PIK3R5: variants seen among roughly 807,000 people sequenced by gnomAD.
PIK3R5 encodes phosphoinositide 3-kinase regulatory subunit 5.
Under a neutral mutation model 94.9 loss-of-function variants are expected in PIK3R5, and 32 were observed. The observed-to-expected ratio is 0.34, with a 90% confidence interval of 0.25 to 0.45. The LOEUF (loss-of-function observed/expected upper bound fraction) is 0.45. Among genes scored for constraint, PIK3R5 ranks in the 20% least tolerant of loss-of-function variants. PIK3R5 has a pLI of 1.00. For missense variants in PIK3R5, 853 were observed against 1,144.6 expected (o/e 0.75, Z 3.68); for synonymous variants, 443 against 479.4 (o/e 0.92, Z 0.99).
In PIK3R5 at chr17:8,911,606, GC is replaced by G; in HGVS notation, c.-13-100del. Reference sequence around the variant, plus strand: ...AGGTGCTCACAGTGCAGCGCGATCAGCCCAGCCCAGCTATAGCTCAGGTGCT... The same window carrying G: ...AGGTGCTCACAGTGCAGCGCGATCAGCCAGCCCAGCTATAGCTCAGGTGCT... On this transcript the variant is annotated intron_variant, in intron 1 of 18. Transcript: ENST00000447110. The surrounding 1 kb of genome is among the most constrained non-coding windows in gnomAD (Gnocchi z 5.3). The G allele has an allele frequency of 1.4e-6, 1 of 727,184 alleles. No homozygotes were observed. Among genetic ancestry groups the G allele is most frequent in the Non-Finnish European group, 2.3e-6 (1 of 437,084 alleles). 45.0% of individuals were successfully genotyped at this position (727,184 alleles called of 1,614,324 possible). A position where few individuals can be genotyped will look rare whatever the true frequency, so the allele number is the denominator to read the frequency against.
At position 8,888,968 on chromosome 17, in the gene PIK3R5, C is replaced by T; in HGVS notation, c.896-77G>A. 6.5e-7 allele frequency: 1 copy of T among 1,540,080 alleles called. No homozygotes were observed. Among genetic ancestry groups the T allele is most frequent in the East Asian group, 2.3e-5 (1 of 44,366 alleles). On this transcript the variant is annotated intron_variant, in intron 9 of 18. Transcript: ENST00000447110. The surrounding 1 kb of genome is among the most constrained non-coding windows in gnomAD (Gnocchi z 7.8). ...TTCTATATTCCCTTTGGAGGGGAGA[C>T]AGCAGGACTCAGGGCCAGCCCAGGA...
intron 1 of PIK3R5, among the ~76,000 whole-genome samples, chr17:8,942,452 C>T (rs1213484878): frequency 6.6e-6 from 1 of 152,162 alleles, no homozygotes; most frequent in African/African-American, 2.4e-5. Flanking sequence ...CCACAACCCC[C>T]CATCTGCAGG....
chr17:8,887,287 C>T (rs1439811234), intron 11 of PIK3R5, 66 bp from the exon 12 acceptor site: 3 of 1,586,530 alleles, frequency 1.9e-6, no homozygotes, highest in Non-Finnish European at 2.6e-6. Flanking sequence ...AGCTCCAGGG[C>T]CTTGGATGGC....
rs2090843717 is a variant in PIK3R5, at chr17:8,925,005, T to C, written c.-13-13498A>G. ...CTCACCAAATATACCAGATAGATAG[T>C]TAGATAGTAGATGGATAGATAGATA... is the stretch of plus-strand genomic sequence containing the variant. On this transcript the variant is annotated intron_variant, in intron 1 of 18. Transcript: ENST00000447110. The surrounding 1 kb of genome is among the most constrained non-coding windows in gnomAD (Gnocchi z 5.1). Among the ~76,000 whole-genome samples, 1 of 151,844 alleles carries C rather than the reference T, an allele frequency of 6.6e-6. No homozygotes were observed. Among genetic ancestry groups the C allele is most frequent in the Non-Finnish European group, 1.5e-5 (1 of 67,990 alleles).
intron 3 of PIK3R5, 141 bp from the exon 4 acceptor site, chr17:8,905,878 A>G (rs2090386010): frequency 2.2e-6 from 1 of 447,320 alleles, no homozygotes; most frequent in Non-Finnish European, 4.0e-6. Context: ...CATGACAAAC[A>G]TTTGGAAAAT....
In PIK3R5 at chr17:8,888,042, AAT is replaced by A. The variant is rs1491254957; in HGVS notation, c.1616+127_1616+128del. 5 of 272,942 alleles carry A rather than the reference AAT, an allele frequency of 1.8e-5. No homozygotes were observed. The highest frequency in any genetic ancestry group is 2.6e-5 in the Non-Finnish European group (4 of 151,404). 16.9% of individuals were successfully genotyped at this position (272,942 alleles called of 1,614,324 possible). A position where few individuals can be genotyped will look rare whatever the true frequency, so the allele number is the denominator to read the frequency against. On this transcript the variant is annotated intron_variant, in intron 10 of 18. Transcript: ENST00000447110. This position sits in a 1 kb window ranked among gnomAD's most constrained non-coding sequence, Gnocchi z 7.8. ...TAATAATAATAATAATAATAATAAT[AAT>A]AATAAAATAAAAATAAATAAGGGAA...
intron 5 of PIK3R5, among the ~76,000 whole-genome samples, chr17:8,898,939 C>A (rs1395960011): frequency 2.6e-5 from 4 of 152,200 alleles, no homozygotes; most frequent in Non-Finnish European, 5.9e-5. Context: ...TTTCCTTCTT[C>A]CCCTACAGGC....
At chr17:8,950,605 T>C (rs1215379404) in intron 1 of PIK3R5, among the ~76,000 whole-genome samples, 3 of 152,216 alleles carry the variant, frequency 2.0e-5, no homozygotes, top group South Asian at 4.1e-4. Context: ...GCTCCATCCA[T>C]GTTGCTGCAA....
chr17:8,900,501 G>A (rs974251907), intron 5 of PIK3R5, among the ~76,000 whole-genome samples: 41 of 152,234 alleles, frequency 2.7e-4, no homozygotes, highest in African/African-American at 9.9e-4. Flanking sequence ...TTCCTGCCAT[G>A]GGTACTTGGC....
At position 8,935,052 on chromosome 17, in the gene PIK3R5, T is replaced by C. The variant is rs2091048809; in HGVS notation, c.-13-23545A>G. On this transcript the variant is annotated intron_variant, in intron 1 of 18. Coordinates refer to ENST00000447110, the MANE Select transcript of PIK3R5 (RefSeq NM_001142633.3). This position sits in a 1 kb window ranked among gnomAD's most constrained non-coding sequence, Gnocchi z 4.5. ...TGATGTGGATCTTAATATGCATTCT[T>C]CTGTCTTCCATTTCCAGGTCACTTC... 6.6e-6 allele frequency among the ~76,000 whole-genome samples: 1 copy of C among 152,198 alleles called. No individual in the cohort carries two copies. Among genetic ancestry groups the C allele is most frequent in the Non-Finnish European group, 1.5e-5 (1 of 68,022 alleles).
chr17:8,943,239 T>C (rs1366326832), intron 1 of PIK3R5, among the ~76,000 whole-genome samples: 1 of 152,042 alleles, frequency 6.6e-6, no homozygotes, highest in African/African-American at 2.4e-5. Context: ...AAAGCCTGGC[T>C]AATTTTTAAT....
intron 4 of PIK3R5, 139 bp downstream of exon 4, chr17:8,905,530 G>A (rs2090375208): frequency 1.8e-6 from 1 of 563,362 alleles, no homozygotes; most frequent in Non-Finnish European, 3.1e-6. Flanking sequence ...CCATCTAAGG[G>A]TTGAAACCCA....
chr17:8,946,929 C>T (rs566796423), intron 1 of PIK3R5, among the ~76,000 whole-genome samples: 2 of 152,266 alleles, frequency 1.3e-5, no homozygotes, highest in South Asian at 2.1e-4. Flanking sequence ...CATGGACATA[C>T]GATACATTTT....
In PIK3R5 at chr17:8,882,143, G is replaced by A. The variant is rs540256320; in HGVS notation, c.2206-262C>T. 8.9e-5 allele frequency: 44 copies of A among 493,136 alleles called. No homozygotes were observed. In the Admixed American group the frequency reaches 1.1e-3, roughly 12 times the overall value. The allele number at this position is 493,136 out of a possible 1,614,324, so 30.5% of individuals were successfully genotyped here. A position where few individuals can be genotyped will look rare whatever the true frequency, so the allele number is the denominator to read the frequency against. The stretch of plus-strand genomic sequence containing the variant: ...ACAAGAGCTGAGAGCACCTGCAGGG[G>A]TGGTCCTGAAGCTCTCCTGCCGGGC... On this transcript the variant is annotated intron_variant, in intron 15 of 18. Transcript: ENST00000447110. The surrounding 1 kb of genome is among the most constrained non-coding windows in gnomAD (Gnocchi z 4.1).
intron 12 of PIK3R5, 94 bp from the exon 13 acceptor site, chr17:8,886,699 A>G (rs2089867470): frequency 1.4e-6 from 2 of 1,383,084 alleles, no homozygotes. Context: ...GAAGAGAGAC[A>G]TAGAGGCAGC....
At chr17:8,894,447 G>A (rs192956208) in intron 5 of PIK3R5, among the ~76,000 whole-genome samples, 2 of 152,244 alleles carry the variant, frequency 1.3e-5, no homozygotes, top group Admixed American at 6.5e-5. Flanking sequence ...TGGAGTCCGG[G>A]GATCGGGAAG....
intron 1 of PIK3R5, among the ~76,000 whole-genome samples, chr17:8,961,955 G>A (rs1292050671): frequency 1.3e-5 from 2 of 152,202 alleles, no homozygotes; most frequent in Non-Finnish European, 2.9e-5. Flanking sequence ...CCAGAACCTA[G>A]CTGCTATCCT....
In PIK3R5 at chr17:8,889,003, C is replaced by T. The variant is rs2089956901; in HGVS notation, c.896-112G>A. 4 of 1,518,358 alleles carry T rather than the reference C, an allele frequency of 2.6e-6. No individual in the cohort carries two copies. Among genetic ancestry groups the T allele is most frequent in the Non-Finnish European group, 3.5e-6 (4 of 1,131,550 alleles). 94.1% of individuals were successfully genotyped at this position (1,518,358 alleles called of 1,614,324 possible). ...CAGGGCCAGCCCAGGACTCCTAGCA[C>T]TGCCCCCTTGCTCTGCTTAGAGCCT... is the stretch of plus-strand genomic sequence containing the variant. On this transcript the variant is annotated intron_variant, in intron 9 of 18. Coordinates refer to ENST00000447110, the MANE Select transcript of PIK3R5 (RefSeq NM_001142633.3). The surrounding 1 kb of genome is among the most constrained non-coding windows in gnomAD (Gnocchi z 4.1).
intron 1 of PIK3R5, among the ~76,000 whole-genome samples, chr17:8,913,567 C>A (rs903865440): frequency 6.6e-6 from 1 of 152,162 alleles, no homozygotes; most frequent in African/African-American, 2.4e-5. Context: ...AAAACATTAG[C>A]CAGGCGTGGT....
Sources: allele counts gnomAD v4.1 joint callset (sites outside exome capture counted in the v4.1 genomes callset), GRCh38; gene constraint gnomAD v4.1.1; non-coding constraint Gnocchi (gnomAD v3.1); transcripts MANE v1.5; gene names NCBI Gene and HGNC (gene_info 2026-07-23, HGNC 2026-07-21).